Variants in CNTN4 observed in about 807,000 individuals in gnomAD.
The protein encoded by CNTN4 is contactin-4.
A neutral mutation model predicts 122.5 loss-of-function variants in CNTN4; 77 were observed. The ratio of observed to expected loss-of-function variants is 0.63; its 90% confidence interval spans 0.52 to 0.76. CNTN4 has a LOEUF of 0.76. Among genes scored for constraint, CNTN4 ranks in the 30% least tolerant of loss-of-function variants. The probability of loss-of-function intolerance (pLI) is 0.00; values close to 1 mark genes in which losing one functional copy is unlikely to be tolerated. For missense variants in CNTN4, 1,256 were observed against 1,259.1 expected (o/e 1.00, Z 0.04); for synonymous variants, 512 against 447.0 (o/e 1.15, Z -1.83).
intron 4 of CNTN4, among the ~76,000 whole-genome samples, chr3:2,636,451 G>GA (rs1035150865): frequency 1.2e-4 from 18 of 151,906 alleles, no homozygotes; most frequent in African/African-American, 3.9e-4. Context: ...CTCACCTGGG[G>GA]AAAAAAACCC....
intron 3 of CNTN4, among the ~76,000 whole-genome samples, chr3:2,429,523 G>T (rs532472719): frequency 1.2e-4 from 19 of 152,348 alleles, no homozygotes; most frequent in African/African-American, 4.6e-4. Context: ...AGGCTACTTG[G>T]AGGTCAGGGA....
At chr3:2,899,045 C>T (rs2094144807) in intron 10 of CNTN4, among the ~76,000 whole-genome samples, 1 of 152,146 alleles carries the variant, frequency 6.6e-6, no homozygotes, top group Admixed American at 6.5e-5. Flanking sequence ...CCCTTTTGGC[C>T]TCCCCTCATA....
chr3:2,339,383 G>A (rs769928049), intron 3 of CNTN4, 150 bp downstream of exon 3: 2 of 152,138 alleles, frequency 1.3e-5, no homozygotes, highest in Non-Finnish European at 2.9e-5. Context: ...ATTAATGAAA[G>A]TAGTGAAGTT....
intron 4 of CNTN4, among the ~76,000 whole-genome samples, chr3:2,575,946 C>T (rs560223743): frequency 4.0e-5 from 6 of 151,256 alleles, no homozygotes; most frequent in Admixed American, 1.3e-4. Context: ...ATCAGCCTCC[C>T]GAGTAAGTCT....
At chr3:2,130,768 A>G (rs998818676) in intron 2 of CNTN4, among the ~76,000 whole-genome samples, 8 of 152,300 alleles carry the variant, frequency 5.3e-5, no homozygotes, top group Admixed American at 5.2e-4. Context: ...TTACATATCT[A>G]TAGTCTCTTA....
intron 2 of CNTN4, among the ~76,000 whole-genome samples, chr3:2,236,002 T>G (rs907376029): frequency 6.6e-6 from 1 of 152,174 alleles, no homozygotes; most frequent in Non-Finnish European, 1.5e-5. Flanking sequence ...GTGGGCCATC[T>G]TAATTCAATG....
chr3:2,278,268 T>C (rs141198201), intron 2 of CNTN4, among the ~76,000 whole-genome samples: 64 of 152,190 alleles, frequency 4.2e-4, no homozygotes, highest in African/African-American at 1.4e-3. Context: ...TACAAAATAC[T>C]AAAAAATCAA....
intron 4 of CNTN4, 123 bp downstream of exon 4, chr3:2,571,681 G>A (rs2079426276): frequency 4.0e-6 from 3 of 746,814 alleles, no homozygotes; most frequent in South Asian, 2.9e-5. Flanking sequence ...GCTATGACTA[G>A]CATTTGCTGA....
chr3:2,322,459 T>C (rs1193487889), intron 2 of CNTN4, among the ~76,000 whole-genome samples: 4 of 151,880 alleles, frequency 2.6e-5, no homozygotes, highest in Admixed American at 2.6e-4. Flanking sequence ...AATAACTATA[T>C]CAAATATCAC....
At chr3:2,282,131 T>C (rs2041738817) in intron 2 of CNTN4, among the ~76,000 whole-genome samples, 1 of 152,194 alleles carries the variant, frequency 6.6e-6, no homozygotes, top group African/African-American at 2.4e-5. Context: ...GTCATTGATA[T>C]AAAATTTTAT....
chr3:2,482,686 G>A (rs932298991), intron 3 of CNTN4, among the ~76,000 whole-genome samples: 59 of 152,300 alleles, frequency 3.9e-4, no homozygotes, highest in African/African-American at 1.4e-3. Context: ...CTCCGGCCGT[G>A]GCTAAAAGGG....
intron 2 of CNTN4, among the ~76,000 whole-genome samples, chr3:2,226,858 T>C (rs922560339): frequency 6.6e-6 from 1 of 152,194 alleles, no homozygotes; most frequent in African/African-American, 2.4e-5. Context: ...GTGCCAGACA[T>C]TGTTACAAGA....
At chr3:2,129,977 C>T (rs182957841) in intron 2 of CNTN4, among the ~76,000 whole-genome samples, 1 of 151,870 alleles carries the variant, frequency 6.6e-6, no homozygotes, top group African/African-American at 2.4e-5. Flanking sequence ...GTTGCTTGCA[C>T]CCAAAACTAT....
chr3:2,716,332 C>G (rs2087494518), intron 4 of CNTN4, among the ~76,000 whole-genome samples: 1 of 150,816 alleles, frequency 6.6e-6, no homozygotes, highest in African/African-American at 2.4e-5. Flanking sequence ...TATGATATAT[C>G]TAATATTATT....
At chr3:2,819,788 T>C (rs971989564) in intron 7 of CNTN4, among the ~76,000 whole-genome samples, 1 of 151,986 alleles carries the variant, frequency 6.6e-6, no homozygotes, top group African/African-American at 2.4e-5. Context: ...CCCACTGCAG[T>C]GTACCTGGCA....
chr3:2,747,300 T>G (rs2089831770), intron 6 of CNTN4, among the ~76,000 whole-genome samples: 1 of 151,252 alleles, frequency 6.6e-6, no homozygotes, highest in South Asian at 2.1e-4. Flanking sequence ...TCCCAGCTGC[T>G]CGGGAGGCTG....
At chr3:2,585,665 A>G (rs2080162006) in intron 4 of CNTN4, among the ~76,000 whole-genome samples, 2 of 133,240 alleles carry the variant, frequency 1.5e-5, no homozygotes, top group Admixed American at 1.6e-4. Context: ...CAGGAAGGGG[A>G]ACATCACACA....
intron 3 of CNTN4, among the ~76,000 whole-genome samples, chr3:2,545,678 G>C (rs1047154692): frequency 6.7e-6 from 1 of 149,662 alleles, no homozygotes; most frequent in Non-Finnish European, 1.5e-5. Flanking sequence ...CTGAAATCAC[G>C]ATAGCAACTT....
chr3:2,307,518 G>A (rs1240747949), intron 2 of CNTN4, among the ~76,000 whole-genome samples: 1 of 151,774 alleles, frequency 6.6e-6, no homozygotes, highest in Non-Finnish European at 1.5e-5. Context: ...TTACTGATAA[G>A]TATGATGTTA....
Sources: gnomAD v4.1 joint callset for allele counts (sites outside exome capture counted in the v4.1 genomes callset) on GRCh38, gnomAD v4.1.1 for gene constraint, MANE v1.5 for transcripts, NCBI Gene and HGNC (gene_info 2026-07-23, HGNC 2026-07-21) for gene names.